GABRB1: variants seen among roughly 807,000 people sequenced by gnomAD.
The protein encoded by GABRB1 is gamma-aminobutyric acid type A receptor subunit beta1.
A neutral mutation model predicts 51.6 loss-of-function variants in GABRB1; 17 were observed. The ratio of observed to expected loss-of-function variants is 0.33; its 90% CI spans 0.23 to 0.49. The LOEUF (loss-of-function observed/expected upper bound fraction) is 0.49. Among genes scored for constraint, GABRB1 ranks in the 20% least tolerant of loss-of-function variants. The pLI is 0.99. For missense variants in GABRB1, 410 were observed against 600.6 expected, an observed-to-expected ratio of 0.68 and a Z score of 3.32; for synonymous variants, 247 against 218.9, an observed-to-expected ratio of 1.13 and a Z score of -1.14.
chr4:47,281,725 C>A (rs1723301064), intron 4 of GABRB1, among the ~76,000 whole-genome samples: 2 of 151,976 alleles, frequency 1.3e-5, no homozygotes, highest in South Asian at 2.1e-4. Flanking sequence ...TTAAAAAATT[C>A]TGTTATTTGT....
chr4:47,237,968 CAG>C (rs1721389672), intron 4 of GABRB1, among the ~76,000 whole-genome samples: 1 of 151,912 alleles, frequency 6.6e-6, no homozygotes, highest in East Asian at 1.9e-4. Flanking sequence ...TTTATATAAA[CAG>C]TAATTAATTT....
At chr4:47,136,416 T>TA (rs960600720) in intron 3 of GABRB1, among the ~76,000 whole-genome samples, 6 of 151,582 alleles carry the variant, frequency 4.0e-5, no homozygotes, top group African/African-American at 1.2e-4. Flanking sequence ...TTGTACAGCC[T>TA]AAAAAAAATG....
chr4:47,126,247 T>A (rs1182480768), intron 3 of GABRB1, among the ~76,000 whole-genome samples: 2 of 152,070 alleles, frequency 1.3e-5, no homozygotes, highest in East Asian at 3.9e-4. Flanking sequence ...GTGAACTCAA[T>A]AATAGAATAG....
chr4:47,014,154 G>T (rs1284859885), intron 1 of GABRB1, among the ~76,000 whole-genome samples: 1 of 152,032 alleles, frequency 6.6e-6, no homozygotes, highest in Non-Finnish European at 1.5e-5. Context: ...TCTCTCATTT[G>T]CAGTGTTACC....
At chr4:47,168,608 A>C (rs1353420595) in intron 4 of GABRB1, among the ~76,000 whole-genome samples, 1 of 152,120 alleles carries the variant, frequency 6.6e-6, no homozygotes, top group Non-Finnish European at 1.5e-5. Context: ...GTATACTTCT[A>C]TGAAGGGACC....
chr4:47,078,190 T>C (rs1233114805), intron 3 of GABRB1, among the ~76,000 whole-genome samples: 1 of 151,404 alleles, frequency 6.6e-6, no homozygotes, highest in African/African-American at 2.4e-5. Context: ...GGTTTCTCCC[T>C]GTTGGTCAGG....
chr4:47,368,707 C>T (rs549199585), intron 5 of GABRB1, among the ~76,000 whole-genome samples: 1 of 152,136 alleles, frequency 6.6e-6, no homozygotes, highest in Non-Finnish European at 1.5e-5. Context: ...GCTTAAGACC[C>T]TTAGTCTAGG....
chr4:47,088,009 T>G (rs1435162216), intron 3 of GABRB1, among the ~76,000 whole-genome samples: 1 of 152,206 alleles, frequency 6.6e-6, no homozygotes, highest in Non-Finnish European at 1.5e-5. Context: ...TTCATGATAT[T>G]ATGTGGAAAT....
At chr4:47,134,562 A>T (rs965998908) in intron 3 of GABRB1, among the ~76,000 whole-genome samples, 1 of 152,192 alleles carries the variant, frequency 6.6e-6, no homozygotes, top group Non-Finnish European at 1.5e-5. Flanking sequence ...TTTGCTAAAC[A>T]ATTGTATTAG....
chr4:47,280,736 C>G (rs1336859364), intron 4 of GABRB1, among the ~76,000 whole-genome samples: 2 of 150,774 alleles, frequency 1.3e-5, no homozygotes, highest in Non-Finnish European at 3.0e-5. Flanking sequence ...TTACCTCTAA[C>G]ATTTGGGCTT....
At chr4:47,112,569 G>C (rs185156124) in intron 3 of GABRB1, among the ~76,000 whole-genome samples, 1 of 152,202 alleles carries the variant, frequency 6.6e-6, no homozygotes, top group African/African-American at 2.4e-5. Flanking sequence ...ATTTGTTAAA[G>C]AAACAACTTA....
chr4:47,380,541 C>T (rs1727558668), intron 5 of GABRB1, among the ~76,000 whole-genome samples: 1 of 152,092 alleles, frequency 6.6e-6, no homozygotes, highest in Non-Finnish European at 1.5e-5. Context: ...TTTTCTAGTA[C>T]AATTTTATTA....
chr4:47,179,146 T>A (rs1285134353), intron 4 of GABRB1, among the ~76,000 whole-genome samples: 1 of 152,044 alleles, frequency 6.6e-6, no homozygotes, highest in African/African-American at 2.4e-5. Flanking sequence ...CCCCAGTGTG[T>A]GATGTTCCCC....
chr4:47,414,119 C>T (rs75940832), intron 8 of GABRB1, among the ~76,000 whole-genome samples: 4,212 of 152,272 alleles, frequency 0.028, 91 homozygotes, highest in East Asian at 0.092. Context: ...CTGATTCAGT[C>T]ATTCCGTGTC....
chr4:47,333,210 A>G (rs867917065), intron 5 of GABRB1, among the ~76,000 whole-genome samples: 771 of 60,414 alleles, frequency 0.013, 18 homozygotes, highest in South Asian at 0.034. Flanking sequence ...ATATATATAT[A>G]TATATATATA....
chr4:47,222,893 T>C (rs1560592005), intron 4 of GABRB1, among the ~76,000 whole-genome samples: 1 of 152,300 alleles, frequency 6.6e-6, no homozygotes, highest in East Asian at 1.9e-4. Context: ...ATTCTTCTTA[T>C]CTAAAAAATT....
chr4:47,134,997 G>A (rs1716578353), intron 3 of GABRB1, among the ~76,000 whole-genome samples: 3 of 152,102 alleles, frequency 2.0e-5, no homozygotes, highest in Non-Finnish European at 2.9e-5. Flanking sequence ...GTAGTGGCAT[G>A]TGCCCGTGTC....
chr4:47,029,822 G>A (rs927424840), upstream of GABRB1, among the ~76,000 whole-genome samples: 8 of 151,988 alleles, frequency 5.3e-5, no homozygotes, highest in African/African-American at 2.4e-5. Flanking sequence ...TTAAAATAGA[G>A]GAGTATTTCT....
intron 1 of GABRB1, chr4:46,994,047 A>G (rs1723888828): frequency 6.6e-6 from 1 of 152,528 alleles, no homozygotes; most frequent in African/African-American, 2.4e-5. Flanking sequence ...GTCCGGGCTC[A>G]AACCACCTTT....
Sources: gnomAD v4.1 joint callset for allele counts (sites outside exome capture counted in the v4.1 genomes callset) on GRCh38, gnomAD v4.1.1 for gene constraint, MANE v1.5 for transcripts, NCBI Gene and HGNC (gene_info 2026-07-23, HGNC 2026-07-21) for gene names.